The following SRPRB variants were observed in gnomAD, a reference collection of about 807,000 sequenced individuals.
SRPRB encodes signal recognition particle receptor subunit beta.
In SRPRB, 20 loss-of-function variants were observed where a neutral mutation model predicts 31.9. That is an observed-to-expected ratio of 0.63 (90% CI 0.44 to 0.91). The LOEUF (loss-of-function observed/expected upper bound fraction) is 0.91, where lower values mean the gene tolerates loss of function less well. SRPRB is among the 40% of genes least tolerant of loss of function. SRPRB has a pLI of 0.00. For missense variants in SRPRB, 321 were observed against 324.9 expected, an observed-to-expected ratio of 0.99 and a Z score of 0.09; for synonymous variants, 146 against 132.8, an observed-to-expected ratio of 1.10 and a Z score of -0.68.
At chr3:133,784,442 C>T (rs1313816431) in intron 1 of SRPRB, 1 of 142,384 alleles carries the variant, frequency 7.0e-6, no homozygotes, top group Non-Finnish European at 1.5e-5. Flanking sequence ...TAGAAAATCA[C>T]ACATCTTGTA....
chr3:133,809,330 CGTT>C (rs1935219231), intron 3 of SRPRB, among the ~76,000 whole-genome samples: 1 of 152,068 alleles, frequency 6.6e-6, no homozygotes, highest in South Asian at 2.1e-4. Flanking sequence ...AGTGAGGGCT[CGTT>C]GGAGGATGTG....
intron 1 of SRPRB, among the ~76,000 whole-genome samples, chr3:133,798,141 G>C (rs1050413512): frequency 2.0e-5 from 3 of 152,212 alleles, no homozygotes; most frequent in African/African-American, 7.2e-5. Context: ...TAGCCAATTT[G>C]TAAATATCTT....
At chr3:133,815,177 C>G (rs988259344) in intron 4 of SRPRB, among the ~76,000 whole-genome samples, 7 of 152,324 alleles carry the variant, frequency 4.6e-5, no homozygotes, top group Admixed American at 3.3e-4. Context: ...TTCCAGACAG[C>G]CTGTGCCCCA....
chr3:133,827,750 C>A (rs1238768120), downstream of SRPRB: 6 of 28,876 alleles, frequency 2.1e-4, no homozygotes, highest in South Asian at 1.1e-3. Context: ...GACAACACCC[C>A]CCCCCCCCCC....
intron 1 of SRPRB, chr3:133,793,103 T>C (rs553046320): frequency 6.6e-6 from 1 of 152,248 alleles, no homozygotes; most frequent in South Asian, 2.1e-4. Flanking sequence ...TTGAACAAGA[T>C]TTTCATGCAG....
chr3:133,819,481 G>C, intron 6 of SRPRB, 72 bp from the exon 7 acceptor site: 1 of 1,425,878 alleles, frequency 7.0e-7, no homozygotes, highest in Non-Finnish European at 9.8e-7. Flanking sequence ...GTGCTGAAAT[G>C]TTTAGAAACT....
intron 4 of SRPRB, among the ~76,000 whole-genome samples, chr3:133,813,583 C>T (rs1298502220): frequency 1.3e-5 from 2 of 152,088 alleles, no homozygotes; most frequent in Non-Finnish European, 2.9e-5. Flanking sequence ...TTATACTATT[C>T]TATTTTTTAT....
At chr3:133,798,751 A>G (rs948218778) in intron 1 of SRPRB, among the ~76,000 whole-genome samples, 1 of 152,218 alleles carries the variant, frequency 6.6e-6, no homozygotes, top group Middle Eastern at 3.2e-3. Flanking sequence ...GTTGTTGTCT[A>G]TACACACACA....
intron 1 of SRPRB, chr3:133,794,970 A>T (rs1271433017): frequency 1.3e-5 from 2 of 152,266 alleles, no homozygotes; most frequent in Non-Finnish European, 2.9e-5. Flanking sequence ...TTTGGAATAA[A>T]AGAGGCAAAT....
At chr3:133,804,110 A>AAAAAAAG (rs1935107198), upstream of SRPRB, among the ~76,000 whole-genome samples, 1 of 150,494 alleles carries the variant, frequency 6.6e-6, no homozygotes, top group African/African-American at 2.4e-5. Context: ...AAAAAAAAAA[A>AAAAAAAG]AAAAAAGAAA....
downstream of SRPRB, chr3:133,825,820 G>C (rs1935552812): frequency 6.6e-6 from 1 of 152,204 alleles, no homozygotes; most frequent in African/African-American, 2.4e-5. Context: ...TCTAGTCTTT[G>C]GGGAGAGGGA....
intron 1 of SRPRB, chr3:133,789,167 CTAAG>C (rs2107950302): frequency 6.6e-6 from 1 of 152,402 alleles, no homozygotes; most frequent in African/African-American, 2.4e-5. Flanking sequence ...GGCAGCAGTT[CTAAG>C]GACTAGTACT....
intron 1 of SRPRB, among the ~76,000 whole-genome samples, chr3:133,798,637 CA>C (rs904012804): frequency 6.6e-6 from 1 of 152,088 alleles, no homozygotes; most frequent in African/African-American, 2.4e-5. Flanking sequence ...TCTTGACTAT[CA>C]AAATACTCAT....
intron 1 of SRPRB, chr3:133,784,679 T>C (rs922316564): frequency 6.6e-6 from 1 of 151,982 alleles, no homozygotes; most frequent in Non-Finnish European, 1.5e-5. Context: ...TGCCTGATGA[T>C]CTGAGGTGGA....
At chr3:133,823,207 T>G (rs1236729645), downstream of SRPRB, among the ~76,000 whole-genome samples, 5 of 152,204 alleles carry the variant, frequency 3.3e-5, no homozygotes, top group Non-Finnish European at 7.4e-5. Context: ...CCCATGATGC[T>G]GATGTGTGAG....
intron 3 of SRPRB, among the ~76,000 whole-genome samples, chr3:133,808,322 G>T (rs61448514): frequency 1.4e-3 from 193 of 142,756 alleles, no homozygotes; most frequent in African/African-American, 4.8e-3. Flanking sequence ...ATCCTTTATT[G>T]TTGTTTTTTT....
At chr3:133,813,998 C>T (rs917042511) in intron 4 of SRPRB, among the ~76,000 whole-genome samples, 6 of 152,154 alleles carry the variant, frequency 3.9e-5, no homozygotes, top group African/African-American at 1.2e-4. Flanking sequence ...TTTTGCAAGC[C>T]CCGACCTCCC....
At chr3:133,801,285 TA>T (rs1051286292), upstream of SRPRB, among the ~76,000 whole-genome samples, 1 of 152,180 alleles carries the variant, frequency 6.6e-6, no homozygotes, top group African/African-American at 2.4e-5. Flanking sequence ...AATCAAGAAC[TA>T]AAAACTTATC....
chr3:133,811,107 C>T lies in SRPRB; in HGVS notation c.328-10C>T. On this transcript the variant is annotated splice_polypyrimidine_tract_variant and intron_variant, in intron 3 of 6. Transcript: ENST00000678299. ...TATTGAAACGTTAATGTTATTGCTG[C>T]CATCCCCAGGGCAATAGTCTGACCT... 3 of 1,613,746 alleles carry T rather than the reference C, an allele frequency of 1.9e-6. No individual in the cohort carries two copies. The highest frequency in any genetic ancestry group is 2.5e-6 in the Non-Finnish European group (3 of 1,179,744).
Sources: gnomAD v4.1 joint callset for allele counts (sites outside exome capture counted in the v4.1 genomes callset) on GRCh38, gnomAD v4.1.1 for gene constraint, MANE v1.5 for transcripts, NCBI Gene and HGNC (gene_info 2026-07-23, HGNC 2026-07-21) for gene names.